Variants in HELZ observed in about 807,000 individuals in gnomAD.
HELZ encodes helicase with zinc finger.
A neutral mutation model predicts 218.2 loss-of-function variants in HELZ; 23 were observed. The observed-to-expected ratio is 0.11, with a 90% CI of 0.08 to 0.15. The LOEUF (loss-of-function observed/expected upper bound fraction) is 0.15, where lower values mean the gene tolerates loss of function less well. Among genes scored for constraint, HELZ ranks in the 10% least tolerant of loss-of-function variants. HELZ has a pLI of 1.00. For missense variants in HELZ, 1,813 were observed against 2,353.7 expected (o/e 0.77, Z 4.75); for synonymous variants, 814 against 829.4 (o/e 0.98, Z 0.32).
chr17:67,222,802 T>C (rs1419615912), intron 3 of HELZ, among the ~76,000 whole-genome samples: 3 of 152,098 alleles, frequency 2.0e-5, no homozygotes, highest in African/African-American at 7.2e-5. Flanking sequence ...TAATACGCAG[T>C]GAGAGATCTA....
chr17:67,116,484 TAC>T (rs144779116), intron 27 of HELZ, among the ~76,000 whole-genome samples: 72,900 of 147,500 alleles, frequency 0.49, 18,242 homozygotes, highest in East Asian at 0.83. Flanking sequence ...AAGGTAAAAA[TAC>T]ACACACACAC....
At chr17:67,166,022 G>A (rs1374295492) in intron 15 of HELZ, among the ~76,000 whole-genome samples, 1 of 152,092 alleles carries the variant, frequency 6.6e-6, no homozygotes, top group African/African-American at 2.4e-5. Context: ...TATAATCCTA[G>A]CTACTCAGAG....
intron 5 of HELZ, among the ~76,000 whole-genome samples, chr17:67,206,615 T>A (rs1267854178): frequency 1.3e-5 from 2 of 151,696 alleles, no homozygotes; most frequent in East Asian, 3.9e-4. Context: ...TTTTTTTTTT[T>A]AAGACGGAGT....
Position 67,189,618 on chromosome 17 carries a change from G to C in HELZ, c.835C>G (p.Gln279Glu). Residue 279 changes from glutamine (Q) to glutamate (E), a missense_variant, in exon 11 of 33, where the codon CAG becomes GAG. Transcript: ENST00000358691. The part of the protein sequence containing the change: ...SVTVSTKKSH[Q>E]TWTFALTCKP... Reference sequence around the variant, plus strand: ...CAAGTGAGAGCAAAGGTCCATGTCTGGTGGGATTTTTTGGTGCTGACAGTA... The same window carrying C: ...CAAGTGAGAGCAAAGGTCCATGTCTCGTGGGATTTTTTGGTGCTGACAGTA... 1 of 1,612,776 alleles carries C rather than the reference G, an allele frequency of 6.2e-7. No individual in the cohort carries two copies. The highest frequency in any genetic ancestry group is 1.1e-5 in the South Asian group (1 of 91,038).
At chr17:67,124,794 T>A (rs543276281) in intron 24 of HELZ, among the ~76,000 whole-genome samples, 1 of 152,204 alleles carries the variant, frequency 6.6e-6, no homozygotes, top group African/African-American at 2.4e-5. Flanking sequence ...CATAATGGTA[T>A]ATTTAGTCTA....
At chr17:67,134,482 A>T (rs1341581940) in intron 23 of HELZ, among the ~76,000 whole-genome samples, 2 of 152,222 alleles carry the variant, frequency 1.3e-5, no homozygotes, top group Non-Finnish European at 2.9e-5. Flanking sequence ...AAGATGTTAC[A>T]ACAGAATTGT....
rs969179756 is a variant in HELZ at position 67,078,020 on chromosome 17, A to T, written c.*232T>A. 2.3e-5 allele frequency: 8 copies of T among 346,482 alleles called. No individual in the cohort carries two copies. Among genetic ancestry groups the T allele is most frequent in the Non-Finnish European group, 3.6e-5 (7 of 192,650 alleles). The allele number at this position is 346,482 out of a possible 1,614,324, so 21.5% of individuals were successfully genotyped here. On this transcript the variant is annotated 3_prime_UTR_variant, in exon 33 of 33. Transcript: ENST00000358691. ...TATGTAACAATACACAAATTTAAAA[A>T]TTTTTTTATTCTACATAAAAGCTGT... is the stretch of plus-strand genomic sequence containing the variant.
intron 15 of HELZ, among the ~76,000 whole-genome samples, chr17:67,165,500 C>T (rs181849347): frequency 9.9e-4 from 151 of 152,192 alleles, no homozygotes; most frequent in Non-Finnish European, 1.8e-3. Flanking sequence ...AAGGGCCATC[C>T]TACCATGATT....
intron 32 of HELZ, among the ~76,000 whole-genome samples, chr17:67,086,441 C>T (rs1444814320): frequency 6.6e-6 from 1 of 150,992 alleles, no homozygotes; most frequent in African/African-American, 2.4e-5. Context: ...ATTAGCCAGG[C>T]GTGGGTGTGT....
chr17:67,192,583 T>A (rs1215772999), intron 9 of HELZ, among the ~76,000 whole-genome samples: 1 of 152,236 alleles, frequency 6.6e-6, no homozygotes, highest in East Asian at 1.9e-4. Context: ...TATATTCTTA[T>A]CTGTACTTCA....
intron 17 of HELZ, among the ~76,000 whole-genome samples, chr17:67,152,783 A>AC (rs1306071689): frequency 3.5e-4 from 53 of 151,638 alleles, no homozygotes; most frequent in Non-Finnish European, 3.2e-4. Flanking sequence ...AAAAAAAAAA[A>AC]AACAACTAGT....
chr17:67,170,110 C>T (rs532315555), intron 13 of HELZ, among the ~76,000 whole-genome samples: 60 of 152,284 alleles, frequency 3.9e-4, no homozygotes, highest in African/African-American at 1.4e-3. Flanking sequence ...GAAGCTCTCA[C>T]AGATTGAAAG....
At chr17:67,183,651 A>G (rs2039672750) in intron 12 of HELZ, among the ~76,000 whole-genome samples, 1 of 152,220 alleles carries the variant, frequency 6.6e-6, no homozygotes, top group African/African-American at 2.4e-5. Flanking sequence ...AGAATTCCAA[A>G]TCAATTTTGC....
intron 28 of HELZ, among the ~76,000 whole-genome samples, chr17:67,110,994 T>C (rs2037264220): frequency 6.6e-6 from 1 of 151,862 alleles, no homozygotes; most frequent in African/African-American, 2.4e-5. Context: ...CAAAAAGAGG[T>C]GGAATATTCC....
intron 21 of HELZ, among the ~76,000 whole-genome samples, chr17:67,144,437 A>T (rs1406272522): frequency 6.6e-6 from 1 of 151,356 alleles, no homozygotes; most frequent in African/African-American, 2.4e-5. Context: ...AGGTCACACG[A>T]CCTTTAAAGT....
rs1243544371 is a variant in HELZ at position 67,149,873 on chromosome 17, G to A, written c.2469C>T (p.His823=). 6.3e-7 allele frequency: 1 copy of A among 1,597,440 alleles called. No homozygotes were observed. Among genetic ancestry groups the A allele is most frequent in the Non-Finnish European group, 8.6e-7 (1 of 1,168,628 alleles). Residue 823 remains histidine (H), a synonymous_variant, in exon 19 of 33, where the codon CAC becomes CAT. Coordinates refer to ENST00000358691, the MANE Select transcript of HELZ (RefSeq NM_014877.4). The stretch of plus-strand genomic sequence containing the variant: ...CAACTCAGAGGGCACTTACCTGCAT[G>A]TGATCACCAGCCAAGACAATCCGAG... ...QNTRIVLAGD[H]MQLSPFVYSE... is the part of the protein sequence containing the mutation.
At chr17:67,105,576 T>C (rs989555453) in intron 31 of HELZ, among the ~76,000 whole-genome samples, 1 of 152,346 alleles carries the variant, frequency 6.6e-6, no homozygotes, top group Middle Eastern at 3.4e-3. Context: ...ATCCACCAAA[T>C]TGTACAATTT....
Position 67,186,408 on chromosome 17 carries a change from A to G in HELZ, c.1162+1911T>C, listed in dbSNP as rs528770527. On this transcript the variant is annotated intron_variant, in intron 12 of 32. Transcript: ENST00000358691. Reference sequence around the variant, plus strand: ...TACTCTGCCCAGGCTCACACAGGCAATAAGTCGAAAATCAGGATTCAAATC... The same window carrying G: ...TACTCTGCCCAGGCTCACACAGGCAGTAAGTCGAAAATCAGGATTCAAATC... 2.4e-4 allele frequency among the ~76,000 whole-genome samples: 36 copies of G among 152,242 alleles called. No individual in the cohort carries two copies. The East Asian group carries it at 5.4e-3, about 23-fold the overall frequency.
chr17:67,111,246 A>G (rs564196028), intron 28 of HELZ, among the ~76,000 whole-genome samples: 2 of 152,354 alleles, frequency 1.3e-5, no homozygotes, highest in East Asian at 1.9e-4. Context: ...ATAACTACAA[A>G]AAGTTTTTAA....
Sources: gnomAD v4.1 joint callset for allele counts (sites outside exome capture counted in the v4.1 genomes callset) on GRCh38, gnomAD v4.1.1 for gene constraint, MANE v1.5 for transcripts, NCBI Gene and HGNC (gene_info 2026-07-23, HGNC 2026-07-21) for gene names.